The following ZNF511 variants were observed in gnomAD, a reference collection of about 807,000 sequenced individuals.
The protein encoded by ZNF511 is zinc finger protein 511.
ZNF511 carries 26 observed loss-of-function variants against 24.8 expected under a neutral mutation model. That is an observed-to-expected ratio of 1.05 (90% confidence interval 0.77 to 1.46). The LOEUF (loss-of-function observed/expected upper bound fraction) is 1.46, where lower values mean the gene tolerates loss of function less well. ZNF511 is among the 40% of genes most tolerant of loss of function. The probability of loss-of-function intolerance (pLI) is 0.00; values close to 1 mark genes in which losing one functional copy is unlikely to be tolerated. For synonymous variants in ZNF511, 144 were observed against 139.6 expected (o/e 1.03, Z -0.22); for missense variants, 358 against 345.0 (o/e 1.04, Z -0.30).
Position 133,313,104 on chromosome 10 carries a change from T to C in ZNF511, c.*238T>C. On this transcript the variant is annotated 3_prime_UTR_variant, in exon 6 of 6. Transcript: ENST00000361518. ...GAGATGTGGACGGCCTGTCTCCTCC[T>C]GCAGGGCCCACCCTAAGAATGTATT... 1 of 949,612 alleles carries C rather than the reference T, an allele frequency of 1.1e-6. No homozygotes were observed. The highest frequency in any genetic ancestry group is 1.5e-6 in the Non-Finnish European group (1 of 675,474). 58.8% of individuals were successfully genotyped at this position (949,612 alleles called of 1,614,324 possible). A position where few individuals can be genotyped will look rare whatever the true frequency, so the allele number is the denominator to read the frequency against.
At chr10:133,312,311 C>A (rs1848010974) in intron 5 of ZNF511, 1 of 1,199,986 alleles carries the variant, frequency 8.3e-7, no homozygotes, top group Non-Finnish European at 1.0e-6. Flanking sequence ...CCTGTGCCGT[C>A]TGCCTTTCTA....
At chr10:133,312,085 C>T (rs893058020) in intron 5 of ZNF511, 78 of 1,456,544 alleles carry the variant, frequency 5.4e-5, no homozygotes, top group African/African-American at 7.1e-5. Context: ...ACTCACTTTT[C>T]CTCATTGTCT....
chr10:133,308,937 CG>C lies in ZNF511; in HGVS notation c.-3del. On this transcript the variant is annotated 5_prime_UTR_variant, in exon 1 of 6. Coordinates refer to ENST00000361518, the MANE Select transcript of ZNF511 (RefSeq NM_145806.4). The stretch of plus-strand genomic sequence containing the variant: ...CCGACAGGCTGCGCCCGCCCGCGCC[CG>C]GGGTGATGCAGTTGCCCCCCGCGCT... The C allele has an allele frequency of 8.2e-7, 1 of 1,224,328 alleles. No individual in the cohort carries two copies. Among genetic ancestry groups the C allele is most frequent in the Non-Finnish European group, 1.0e-6 (1 of 977,932 alleles). 75.8% of individuals were successfully genotyped at this position (1,224,328 alleles called of 1,614,324 possible).
chr10:133,312,766 T>C, intron 5 of ZNF511, 22 bp from the exon 6 acceptor site: 4 of 1,614,188 alleles, frequency 2.5e-6, no homozygotes, highest in Non-Finnish European at 3.4e-6. Flanking sequence ...CAGCATCTAA[T>C]AGAAACTTTC....
rs1847917053 is a variant in ZNF511, at chr10:133,309,077, G to A, written c.134G>A (p.Arg45Gln). The A allele has an allele frequency of 7.7e-7, 1 of 1,301,482 alleles. No homozygotes were observed. Among genetic ancestry groups the A allele is most frequent in the Non-Finnish European group, 9.8e-7 (1 of 1,020,128 alleles). The allele number at this position is 1,301,482 out of a possible 1,614,324, so 80.6% of individuals were successfully genotyped here. ...RFVARPVRFP[R>Q]EHQFFEDGDV... ...GTTGCGCGCCCCGTGCGCTTCCCGC[G>A]GGAGCACCAGTTCTTCGAGGTGCGT... is the stretch of plus-strand genomic sequence containing the variant. The change falls in exon 1 of 6, where the codon CGG becomes CAG. Residue 45 changes from arginine (R) to glutamine (Q), a missense_variant. Physicochemically the swap from Arg to Gln is conservative, Grantham distance 43. Coordinates refer to ENST00000361518, the MANE Select transcript of ZNF511 (RefSeq NM_145806.4).
chr10:133,311,264 G>A (rs1289213536), intron 4 of ZNF511, among the ~76,000 whole-genome samples: 1 of 152,154 alleles, frequency 6.6e-6, no homozygotes, highest in Admixed American at 6.5e-5. Flanking sequence ...CCACTGCAAT[G>A]TGGGAGGCTT....
chr10:133,311,659 G>C (rs1847990474), intron 4 of ZNF511, 57 bp from the exon 5 acceptor site: 4 of 1,437,286 alleles, frequency 2.8e-6, no homozygotes, highest in Non-Finnish European at 3.8e-6. Flanking sequence ...CATTTCTGGG[G>C]AACACAGGGG....
chr10:133,311,908 C>G (rs756440351), intron 5 of ZNF511, 67 bp downstream of exon 5: 51 of 1,613,056 alleles, frequency 3.2e-5, no homozygotes, highest in Non-Finnish European at 4.1e-5. Context: ...TTCTGGGCTG[C>G]ACCTGGGCCG....
intron 2 of ZNF511, 41 bp from the exon 3 acceptor site, chr10:133,309,735 C>T (rs762357186): frequency 9.9e-6 from 16 of 1,608,148 alleles, no homozygotes; most frequent in East Asian, 2.2e-5. Context: ...CTTGGTTCCT[C>T]GCACCGGAGG....
chr10:133,309,529 C>G, intron 2 of ZNF511, 66 bp downstream of exon 2: 1 of 1,532,060 alleles, frequency 6.5e-7, no homozygotes, highest in Non-Finnish European at 8.9e-7. Context: ...GTGCCTGGTC[C>G]CTGGGGCTGT....
chr10:133,310,261 G>A lies in ZNF511; in HGVS notation c.527G>A (p.Arg176Gln), dbSNP rs200701211. The A allele has an allele frequency of 4.0e-5, 65 of 1,614,010 alleles. No homozygotes were observed. The highest frequency in any genetic ancestry group is 3.0e-4 in the Admixed American group (18 of 60,034). Residue 176 changes from arginine to glutamine, a missense_variant, in exon 4 of 6, where the codon CGG becomes CAG. Arg to Gln is a conservative substitution (Grantham distance 43). Coordinates refer to ENST00000361518, the MANE Select transcript of ZNF511 (RefSeq NM_145806.4). ...VRMHLYPADF[R>Q]FDKPKKSRSP... is the part of the protein sequence containing the mutation. ...ATGCACCTGTACCCCGCGGACTTCC[G>A]GTTTGATAAGCCAAAGAAAAGCAGA...
In ZNF511 at chr10:133,309,915, G is replaced by C; in HGVS notation, c.367G>C (p.Asp123His). ...GGCCTTCCCTTCCGGACACCTGCTG[G>C]ACGCCCACATCCTGGAGTGGCACGA... ...KRAFPSGHLL[D>H]AHILEWHDSL... Residue 123 changes from aspartate (D) to histidine (H), a missense_variant, in exon 3 of 6, where the codon GAC (aspartate) becomes CAC (histidine). By Grantham distance (81) the Asp-to-His change is moderately conservative. Coordinates refer to ENST00000361518, the MANE Select transcript of ZNF511 (RefSeq NM_145806.4). 6.2e-7 allele frequency: 1 copy of C among 1,613,616 alleles called. No homozygotes were observed. Among genetic ancestry groups the C allele is most frequent in the Non-Finnish European group, 8.5e-7 (1 of 1,180,016 alleles).
At position 133,312,884 on chromosome 10, in the gene ZNF511, T is replaced by G; in HGVS notation, c.*18T>G. 6.2e-7 allele frequency: 1 copy of G among 1,613,280 alleles called. No homozygotes were observed. The highest frequency in any genetic ancestry group is 8.5e-7 in the Non-Finnish European group (1 of 1,179,774). ...AATGCTGATAGACTCAGAAAAGGAGTGGGGGGCAGTCACCACTGCTGGGCG... is the reference window on the plus strand; with the variant it reads ...AATGCTGATAGACTCAGAAAAGGAGGGGGGGGCAGTCACCACTGCTGGGCG... On this transcript the variant is annotated 3_prime_UTR_variant, in exon 6 of 6. Transcript: ENST00000361518.
At chr10:133,310,352 C>A in intron 4 of ZNF511, 64 bp downstream of exon 4, 2 of 1,600,194 alleles carry the variant, frequency 1.2e-6, no homozygotes, top group Non-Finnish European at 8.5e-7. Flanking sequence ...TCCAACTAGC[C>A]GGAATGCATA....
rs371065979 is a variant in ZNF511 at position 133,311,711 on chromosome 10, C to T, written c.555-5C>T. The T allele has an allele frequency of 1.4e-5, 23 of 1,610,764 alleles. 1 individual carries two copies. Among genetic ancestry groups the T allele is most frequent in the Middle Eastern group, 1.7e-4 (1 of 5,748 alleles). ...GGGCAGTTACTCACTGCTCTCTCCC[C>T]GCAGCCCAGCCTCAGCAGAAGCCCC... On this transcript the variant is annotated splice_polypyrimidine_tract_variant and splice_region_variant and intron_variant, in intron 4 of 5. Transcript: ENST00000361518.
At chr10:133,312,706 G>A (rs1207056547) in intron 5 of ZNF511, 82 bp from the exon 6 acceptor site, 1 of 1,605,030 alleles carries the variant, frequency 6.2e-7, no homozygotes, top group Non-Finnish European at 8.5e-7. Context: ...AAGAGAATGA[G>A]AAGGAGACAC....
At chr10:133,311,347 T>C (rs549680380) in intron 4 of ZNF511, among the ~76,000 whole-genome samples, 1 of 152,338 alleles carries the variant, frequency 6.6e-6, no homozygotes, top group East Asian at 1.9e-4. Flanking sequence ...CGTGCAATGC[T>C]GGATTAAGAC....
At chr10:133,309,305 C>T (rs562909936) in intron 1 of ZNF511, 85 bp from the exon 2 acceptor site, 10 of 1,500,088 alleles carry the variant, frequency 6.7e-6, no homozygotes, top group African/African-American at 5.5e-5. Flanking sequence ...CGCGGGATGA[C>T]TGGGGCCACG....
intron 5 of ZNF511, chr10:133,312,223 G>GTGCCGTCTGCGTTTCTAGCGTCACCTT: frequency 7.2e-7 from 1 of 1,383,002 alleles, no homozygotes; most frequent in Non-Finnish European, 9.3e-7. Context: ...AGCGTCACCT[G>GTGCCGTCTGCGTTTCTAGCGTCACCTT]TGCCGTCTGC....
Sources: gnomAD v4.1 joint callset for allele counts (sites outside exome capture counted in the v4.1 genomes callset) on GRCh38, gnomAD v4.1.1 for gene constraint, MANE v1.5 for transcripts, NCBI Gene and HGNC (gene_info 2026-07-23, HGNC 2026-07-21) for gene names.